Variants in B3GALT1 observed in about 807,000 individuals in gnomAD.
B3GALT1 encodes beta-1,3-galactosyltransferase 1.
A neutral mutation model predicts 23.2 loss-of-function variants in B3GALT1; 10 were observed. That is an observed-to-expected ratio of 0.43 (90% CI 0.27 to 0.73). The LOEUF is 0.73. Among genes scored for constraint, B3GALT1 ranks in the 30% least tolerant of loss-of-function variants. B3GALT1 has a pLI of 0.21. For synonymous variants in B3GALT1, 156 were observed against 141.5 expected (o/e 1.10, Z -0.73); for missense variants, 299 against 405.4 (o/e 0.74, Z 2.25).
chr2:167,502,667 A>G (rs1018932137), intron 2 of B3GALT1, among the ~76,000 whole-genome samples: 5 of 152,222 alleles, frequency 3.3e-5, no homozygotes, highest in Admixed American at 2.0e-4. Flanking sequence ...ACTCACTATT[A>G]CAAGAACAGC....
chr2:167,594,160 G>A (rs546033099), intron 2 of B3GALT1, among the ~76,000 whole-genome samples: 1 of 152,122 alleles, frequency 6.6e-6, no homozygotes, highest in Admixed American at 6.5e-5. Flanking sequence ...TGGTTATCTC[G>A]AGTGGAGGTA....
chr2:167,852,668 C>A (rs1168030247), intron 4 of B3GALT1, among the ~76,000 whole-genome samples: 1 of 152,090 alleles, frequency 6.6e-6, no homozygotes, highest in East Asian at 1.9e-4. Context: ...AAGGGCTAGG[C>A]ATGGGGAAAG....
intron 2 of B3GALT1, among the ~76,000 whole-genome samples, chr2:167,610,621 G>A (rs1380436094): frequency 6.6e-6 from 1 of 151,918 alleles, no homozygotes; most frequent in Admixed American, 6.6e-5. Context: ...TTTCAAGCAG[G>A]AAATAAGAAC....
intron 3 of B3GALT1, among the ~76,000 whole-genome samples, chr2:167,724,563 G>A (rs1687280246): frequency 6.6e-6 from 1 of 151,886 alleles, no homozygotes; most frequent in Admixed American, 6.6e-5. Flanking sequence ...TTTACTATAT[G>A]GGTTATATTT....
intron 4 of B3GALT1, among the ~76,000 whole-genome samples, chr2:167,821,377 T>G (rs1437356604): frequency 3.3e-5 from 5 of 151,680 alleles, no homozygotes; most frequent in Non-Finnish European, 7.4e-5. Context: ...ATTTATCTTC[T>G]TTGGAAGAAA....
chr2:167,489,255 T>G (rs1383647405), intron 1 of B3GALT1, among the ~76,000 whole-genome samples: 1 of 152,206 alleles, frequency 6.6e-6, no homozygotes, highest in Non-Finnish European at 1.5e-5. Flanking sequence ...GGCGTCCTTT[T>G]TCCAGAACAC....
chr2:167,624,199 A>G (rs1558928221), intron 2 of B3GALT1, among the ~76,000 whole-genome samples: 1 of 152,124 alleles, frequency 6.6e-6, no homozygotes, highest in East Asian at 1.9e-4. Context: ...TTGACAGGTA[A>G]GGAAGTTTAG....
At chr2:167,413,239 TC>T (rs1207830558) in intron 1 of B3GALT1, among the ~76,000 whole-genome samples, 1 of 152,004 alleles carries the variant, frequency 6.6e-6, no homozygotes, top group Non-Finnish European at 1.5e-5. Flanking sequence ...ATTATATTGA[TC>T]CTTTAGATTG....
intron 3 of B3GALT1, among the ~76,000 whole-genome samples, chr2:167,651,661 A>G (rs1447971925): frequency 6.6e-6 from 1 of 152,166 alleles, no homozygotes; most frequent in Non-Finnish European, 1.5e-5. Flanking sequence ...CAAAACAGAC[A>G]TGTTCTGTAA....
intron 1 of B3GALT1, among the ~76,000 whole-genome samples, chr2:167,449,912 T>G (rs568897479): frequency 3.0e-4 from 46 of 152,218 alleles, no homozygotes; most frequent in Non-Finnish European, 6.0e-4. Flanking sequence ...ATGTACCTGT[T>G]AAACCATCCC....
In B3GALT1 at chr2:167,294,300, C is replaced by T. The variant is rs370747059; in HGVS notation, c.-511+966C>T. Among the ~76,000 whole-genome samples, 69 of 152,350 alleles carry T rather than the reference C, an allele frequency of 4.5e-4. 2 individuals are homozygous for T. In the South Asian group the frequency reaches 0.014, roughly 31 times the overall value. On this transcript the variant is annotated intron_variant, in intron 1 of 4. Coordinates refer to ENST00000392690, the MANE Select transcript of B3GALT1 (RefSeq NM_020981.4). ...AAGTTCAGGCCCGCTGGGGTCTGGTCCATCAGACCTAGGACACGTTAACCA... is the reference window on the plus strand; with the variant it reads ...AAGTTCAGGCCCGCTGGGGTCTGGTTCATCAGACCTAGGACACGTTAACCA...
chr2:167,723,192 G>A (rs1012436949), intron 3 of B3GALT1, among the ~76,000 whole-genome samples: 16 of 152,240 alleles, frequency 1.1e-4, no homozygotes, highest in African/African-American at 3.6e-4. Flanking sequence ...AGCACAGCAG[G>A]TGACATGTTT....
intron 1 of B3GALT1, among the ~76,000 whole-genome samples, chr2:167,447,872 C>T (rs1048506598): frequency 1.3e-5 from 2 of 152,128 alleles, no homozygotes; most frequent in Non-Finnish European, 2.9e-5. Flanking sequence ...CACTGTCTGA[C>T]AAGCCCCAGT....
At chr2:167,375,976 T>C (rs1697756390) in intron 1 of B3GALT1, among the ~76,000 whole-genome samples, 1 of 152,232 alleles carries the variant, frequency 6.6e-6, no homozygotes, top group African/African-American at 2.4e-5. Context: ...AGATGGCTCT[T>C]ACTACTTTGA....
At chr2:167,387,159 A>T (rs1697942077) in intron 1 of B3GALT1, among the ~76,000 whole-genome samples, 1 of 152,226 alleles carries the variant, frequency 6.6e-6, no homozygotes, top group African/African-American at 2.4e-5. Context: ...AAGATATGGT[A>T]GGCTGTCATT....
At chr2:167,347,143 T>C (rs539458436) in intron 1 of B3GALT1, among the ~76,000 whole-genome samples, 1 of 152,188 alleles carries the variant, frequency 6.6e-6, no homozygotes, top group Non-Finnish European at 1.5e-5. Flanking sequence ...ATCTTATGGA[T>C]TCTAATAAAA....
intron 1 of B3GALT1, among the ~76,000 whole-genome samples, chr2:167,471,306 C>G (rs1196263106): frequency 6.6e-6 from 1 of 152,134 alleles, no homozygotes; most frequent in African/African-American, 2.4e-5. Flanking sequence ...TGGGAAGAAG[C>G]ATTCTTACAC....
At chr2:167,777,049 G>A (rs1460006497) in intron 3 of B3GALT1, among the ~76,000 whole-genome samples, 1 of 152,040 alleles carries the variant, frequency 6.6e-6, no homozygotes, top group Non-Finnish European at 1.5e-5. Context: ...ACAGTAACTT[G>A]TCAGTGACTA....
intron 1 of B3GALT1, among the ~76,000 whole-genome samples, chr2:167,299,068 A>G (rs1029893526): frequency 3.9e-5 from 6 of 152,202 alleles, no homozygotes; most frequent in African/African-American, 1.4e-4. Context: ...TACTAATTTG[A>G]AACAGAAGAG....
Sources: allele counts gnomAD v4.1 joint callset (sites outside exome capture counted in the v4.1 genomes callset), GRCh38; gene constraint gnomAD v4.1.1; transcripts MANE v1.5; gene names NCBI Gene and HGNC (gene_info 2026-07-23, HGNC 2026-07-21).